The following STAT4 variants were observed in gnomAD, a reference collection of about 807,000 sequenced individuals.
STAT4 encodes the protein signal transducer and activator of transcription 4.
A neutral mutation model predicts 110.5 loss-of-function variants in STAT4; 42 were observed. That is an observed-to-expected ratio of 0.38 (90% CI 0.30 to 0.49). STAT4 has a LOEUF of 0.49. Ranked by LOEUF, STAT4 falls within the 20% of genes least tolerant of loss-of-function variation. The probability of loss-of-function intolerance (pLI) is 0.95; values close to 1 mark genes in which losing one functional copy is unlikely to be tolerated. For missense variants in STAT4, 632 were observed against 887.9 expected, an observed-to-expected ratio of 0.71 and a Z score of 3.66; for synonymous variants, 284 against 302.2, an observed-to-expected ratio of 0.94 and a Z score of 0.63.
Position 191,064,832 on chromosome 2 carries a change from T to C in STAT4, c.757A>G (p.Asn253Asp). 1 of 1,612,922 alleles carries C rather than the reference T, an allele frequency of 6.2e-7. No homozygotes were observed. Among genetic ancestry groups the C allele is most frequent in the Non-Finnish European group, 8.5e-7 (1 of 1,179,460 alleles). The change falls in exon 8 of 24, where the codon AAT becomes GAT. Residue 253 changes from asparagine to aspartate, a missense_variant. Asn to Asp is a conservative substitution (Grantham distance 23, BLOSUM62 1). Coordinates refer to ENST00000392320, the MANE Select transcript of STAT4 (RefSeq NM_003151.4). ...CAGTTCTGAAGCTGGTCGAGCCCAT[T>C]GTGGAGTGGACCCCCGATGCAGGCG... Reference protein sequence around the residue: ...QIACIGGPLHNGLDQLQNCFT... With the variant: ...QIACIGGPLHDGLDQLQNCFT...
At chr2:191,084,614 A>T (rs1340311602) in intron 3 of STAT4, among the ~76,000 whole-genome samples, 1 of 152,188 alleles carries the variant, frequency 6.6e-6, no homozygotes, top group Admixed American at 6.5e-5. Context: ...GGATTGTTTT[A>T]AGTTAAAATA....
chr2:191,104,837 A>G lies in STAT4; in HGVS notation c.274-28512T>C, dbSNP rs1208918150. ...CTGGCTGGTGTTTGAGACCTTCTGGACTAAGACTGAGACCACCTGGTGCTT... is the reference window on the plus strand; with the variant it reads ...CTGGCTGGTGTTTGAGACCTTCTGGGCTAAGACTGAGACCACCTGGTGCTT... On this transcript the variant is annotated intron_variant, in intron 3 of 23. Coordinates refer to ENST00000392320, the MANE Select transcript of STAT4 (RefSeq NM_003151.4). This position sits in a 1 kb window ranked among gnomAD's most constrained non-coding sequence, Gnocchi z 4.3. Among the ~76,000 whole-genome samples, 1 of 152,154 alleles carries G rather than the reference A, an allele frequency of 6.6e-6. No individual in the cohort carries two copies. The highest frequency in any genetic ancestry group is 2.4e-5 in the African/African-American group (1 of 41,448).
intron 3 of STAT4, among the ~76,000 whole-genome samples, chr2:191,085,225 T>C (rs1255354838): frequency 2.0e-5 from 3 of 152,066 alleles, no homozygotes; most frequent in African/African-American, 7.2e-5. Flanking sequence ...TATAGTGACT[T>C]GTGGTCCTAT....
Position 191,110,923 on chromosome 2 carries a change from A to C in STAT4, c.274-34598T>G, listed in dbSNP as rs1164384178. On this transcript the variant is annotated intron_variant, in intron 3 of 23. Transcript: ENST00000392320. The surrounding 1 kb of genome is among the most constrained non-coding windows in gnomAD (Gnocchi z 4.5). Reference sequence around the variant, plus strand: ...CTCAGCCTCCTGAGTTGCCGGGATTACAGGTGGGTGACACCAGGCCCAGCG... The same window carrying C: ...CTCAGCCTCCTGAGTTGCCGGGATTCCAGGTGGGTGACACCAGGCCCAGCG... Among the ~76,000 whole-genome samples the C allele has an allele frequency of 6.6e-6, 1 of 152,064 alleles. No individual in the cohort carries two copies. Among genetic ancestry groups the C allele is most frequent in the Non-Finnish European group, 1.5e-5 (1 of 68,012 alleles).
In STAT4 at chr2:191,146,483, G is replaced by T. The variant is rs1699463154; in HGVS notation, c.273+130C>A. 1.2e-6 allele frequency: 1 copy of T among 832,282 alleles called. No individual in the cohort carries two copies. The highest frequency in any genetic ancestry group is 1.8e-5 in the African/African-American group (1 of 56,394). The allele number at this position is 832,282 out of a possible 1,614,324, so 51.6% of individuals were successfully genotyped here. A position where few individuals can be genotyped will look rare whatever the true frequency, so the allele number is the denominator to read the frequency against. On this transcript the variant is annotated intron_variant, in intron 3 of 23. Transcript: ENST00000392320. This position sits in a 1 kb window ranked among gnomAD's most constrained non-coding sequence, Gnocchi z 4.5. ...GGTAATAAAATTGAGCACAAAATTT[G>T]TAAGTGGTAAGACAACTCAATTTTC... is the stretch of plus-strand genomic sequence containing the variant.
chr2:191,049,606 T>C (rs898580134), intron 14 of STAT4, among the ~76,000 whole-genome samples: 1 of 152,170 alleles, frequency 6.6e-6, no homozygotes, highest in African/African-American at 2.4e-5. Context: ...ATGTCCCCCA[T>C]GGAAAACTAT....
intron 3 of STAT4, among the ~76,000 whole-genome samples, chr2:191,120,195 C>A (rs1347899622): frequency 2.0e-5 from 3 of 151,856 alleles, no homozygotes; most frequent in African/African-American, 4.8e-5. Flanking sequence ...AAAAATTGAG[C>A]CTCAATTAAA....
At chr2:191,132,502 A>C (rs1441487116) in intron 3 of STAT4, among the ~76,000 whole-genome samples, 1 of 151,760 alleles carries the variant, frequency 6.6e-6, no homozygotes, top group Non-Finnish European at 1.5e-5. Context: ...GTAATGGTGA[A>C]AGAAGTGGTG....
intron 3 of STAT4, among the ~76,000 whole-genome samples, chr2:191,131,129 T>C (rs1324244498): frequency 1.3e-5 from 2 of 151,762 alleles, no homozygotes; most frequent in Non-Finnish European, 2.9e-5. Flanking sequence ...TAAATTGGTA[T>C]AACCATTTTT....
intron 4 of STAT4, among the ~76,000 whole-genome samples, chr2:191,073,922 A>G (rs1378757527): frequency 6.6e-6 from 1 of 152,190 alleles, no homozygotes; most frequent in Non-Finnish European, 1.5e-5. Flanking sequence ...GATTTTAAAA[A>G]TTTTGTCTCT....
In STAT4 at chr2:191,031,427, C is replaced by A; in HGVS notation, c.2111+23G>T. The A allele has an allele frequency of 6.2e-7, 1 of 1,602,902 alleles. No homozygotes were observed. The highest frequency in any genetic ancestry group is 1.1e-5 in the South Asian group (1 of 89,152). ...AGGAAAGCTTTTTATAAAAATATTTCACATGTGACTAACATTACTCACATT... is the reference window on the plus strand; with the variant it reads ...AGGAAAGCTTTTTATAAAAATATTTAACATGTGACTAACATTACTCACATT... On this transcript the variant is annotated intron_variant, in intron 22 of 23. Transcript: ENST00000392320. This position sits in a 1 kb window ranked among gnomAD's most constrained non-coding sequence, Gnocchi z 4.8.
intron 3 of STAT4, among the ~76,000 whole-genome samples, chr2:191,097,908 T>G (rs1301129608): frequency 2.6e-5 from 2 of 78,394 alleles, no homozygotes; most frequent in Non-Finnish European, 5.8e-5. Context: ...TTAAACAAAT[T>G]TACAAGAAAA....
At chr2:191,095,142 C>T (rs1169643698) in intron 3 of STAT4, among the ~76,000 whole-genome samples, 2 of 152,184 alleles carry the variant, frequency 1.3e-5, no homozygotes, top group South Asian at 2.1e-4. Flanking sequence ...GACTCCCACA[C>T]AATAATAACT....
At chr2:191,076,164 A>G in intron 4 of STAT4, 63 bp downstream of exon 4, 1 of 1,369,728 alleles carries the variant, frequency 7.3e-7, no homozygotes, top group Non-Finnish European at 1.0e-6. Context: ...AAAGATAATA[A>G]TTTCTGTTTC....
rs1425558849 is a variant in STAT4, at chr2:191,060,136, T to C, written c.1035-1367A>G. Among the ~76,000 whole-genome samples the C allele has an allele frequency of 1.3e-5, 2 of 152,196 alleles. No individual in the cohort carries two copies. Among genetic ancestry groups the C allele is most frequent in the Non-Finnish European group, 2.9e-5 (2 of 68,036 alleles). ...GACAGAGCCTTCAACCAGGGGCTAA[T>C]GTTCTATGTCCCTGGCCATCAGTTC... is the stretch of plus-strand genomic sequence containing the variant. On this transcript the variant is annotated intron_variant, in intron 10 of 23. Coordinates refer to ENST00000392320, the MANE Select transcript of STAT4 (RefSeq NM_003151.4). This position sits in a 1 kb window ranked among gnomAD's most constrained non-coding sequence, Gnocchi z 4.5.
rs1233568582 is a variant in STAT4, at chr2:191,060,607, T to C, written c.1034+1122A>G. 6.6e-6 allele frequency among the ~76,000 whole-genome samples: 1 copy of C among 152,068 alleles called. No individual in the cohort carries two copies. Among genetic ancestry groups the C allele is most frequent in the Non-Finnish European group, 1.5e-5 (1 of 67,998 alleles). Reference sequence around the variant, plus strand: ...CTAATTTTTCTATTTTTAGTAGAGATGGGGTATTGCCATGTTGTCCAGGCT... The same window carrying C: ...CTAATTTTTCTATTTTTAGTAGAGACGGGGTATTGCCATGTTGTCCAGGCT... On this transcript the variant is annotated intron_variant, in intron 10 of 23. Transcript: ENST00000392320. This position sits in a 1 kb window ranked among gnomAD's most constrained non-coding sequence, Gnocchi z 4.5.
chr2:191,081,443 T>C (rs879616579), intron 3 of STAT4, among the ~76,000 whole-genome samples: 16 of 152,234 alleles, frequency 1.1e-4, no homozygotes, highest in Non-Finnish European at 2.2e-4. Context: ...GTTGAACTAA[T>C]TTACACTCCC....
chr2:191,151,555 T>A (rs1699590294), upstream of STAT4: 2 of 985,466 alleles, frequency 2.0e-6, no homozygotes, highest in Non-Finnish European at 2.4e-6. The surrounding 1 kb of genome is among the most constrained non-coding windows in gnomAD (Gnocchi z 4.7). Flanking sequence ...TTGCCCTTCC[T>A]GACCTAGCCT....
Position 191,069,707 on chromosome 2 carries a change from G to A in STAT4, c.530C>T (p.Thr177Ile), listed in dbSNP as rs1697089815. 2 of 1,609,188 alleles carry A rather than the reference G, an allele frequency of 1.2e-6. No individual in the cohort carries two copies. Among genetic ancestry groups the A allele is most frequent in the Non-Finnish European group, 1.7e-6 (2 of 1,178,294 alleles). Reference sequence around the variant, plus strand: ...CAAAAACTTACCCATTGTCTGAATTGTTTTATACCTGTAGTCAAATTCGTC... The same window carrying A: ...CAAAAACTTACCCATTGTCTGAATTATTTTATACCTGTAGTCAAATTCGTC... ...LQDEFDYRYK[T>I]IQTMDQSDKN... is the part of the protein sequence containing the mutation. Residue 177 changes from threonine (T) to isoleucine (I), a missense_variant, in exon 6 of 24, where the codon ACA becomes ATA. Transcript: ENST00000392320.
Sources: gnomAD v4.1 joint callset for allele counts (sites outside exome capture counted in the v4.1 genomes callset) on GRCh38, gnomAD v4.1.1 for gene constraint, Gnocchi (gnomAD v3.1) non-coding constraint, MANE v1.5 for transcripts, NCBI Gene and HGNC (gene_info 2026-07-23, HGNC 2026-07-21) for gene names.